Variants in FAM13C observed in about 807,000 individuals in gnomAD.
FAM13C encodes the protein protein FAM13C.
Under a neutral mutation model 73.2 loss-of-function variants are expected in FAM13C, and 37 were observed. The ratio of observed to expected loss-of-function variants is 0.51; its 90% CI spans 0.39 to 0.67. The LOEUF is 0.67. Among genes scored for constraint, FAM13C ranks in the 30% least tolerant of loss-of-function variants. The pLI is 0.00. For synonymous variants in FAM13C, 246 were observed against 260.9 expected, an observed-to-expected ratio of 0.94 and a Z score of 0.55; for missense variants, 589 against 715.6, an observed-to-expected ratio of 0.82 and a Z score of 2.02.
At chr10:59,273,352 A>T (rs986860200) in intron 6 of FAM13C, among the ~76,000 whole-genome samples, 1 of 152,184 alleles carries the variant, frequency 6.6e-6, no homozygotes, top group Non-Finnish European at 1.5e-5. Context: ...TATTATTAAT[A>T]TAAGAAAGTT....
intron 13 of FAM13C, 103 bp from the exon 14 acceptor site, chr10:59,247,840 C>T: frequency 8.8e-7 from 1 of 1,138,618 alleles, no homozygotes; most frequent in Non-Finnish European, 1.2e-6. Context: ...ACGGCCTCCA[C>T]TTGGTTTTTG....
intron 6 of FAM13C, among the ~76,000 whole-genome samples, chr10:59,277,298 C>A (rs1427827110): frequency 1.3e-5 from 2 of 152,138 alleles, no homozygotes; most frequent in Non-Finnish European, 2.9e-5. Flanking sequence ...GGAAAACAAT[C>A]CCACAGGCAT....
At chr10:59,320,996 G>T (rs1256326319) in intron 4 of FAM13C, among the ~76,000 whole-genome samples, 2 of 152,094 alleles carry the variant, frequency 1.3e-5, no homozygotes, top group East Asian at 3.8e-4. Flanking sequence ...ATTTTCTGGG[G>T]TTATATGTGC....
intron 11 of FAM13C, chr10:59,253,630 T>C (rs938264823): frequency 1.3e-5 from 2 of 152,410 alleles, no homozygotes; most frequent in African/African-American, 4.8e-5. Flanking sequence ...CCAAAGACTA[T>C]GAATTATTAT....
Position 59,247,611 on chromosome 10 carries a change from A to C in FAM13C, c.*3T>G, listed in dbSNP as rs751134078. On this transcript the variant is annotated 3_prime_UTR_variant, in exon 14 of 14. Coordinates refer to ENST00000618804, the MANE Select transcript of FAM13C (RefSeq NM_198215.4). ...TGAAAGTGATCATAACATTTCCTGA[A>C]CCTCAAATAGTTTTGGCCACATCTT... The C allele has an allele frequency of 1.9e-6, 3 of 1,613,140 alleles. No individual in the cohort carries two copies. Among genetic ancestry groups the C allele is most frequent in the Non-Finnish European group, 8.5e-7 (1 of 1,179,558 alleles).
chr10:59,304,010 T>TA (rs1486848356), intron 4 of FAM13C, among the ~76,000 whole-genome samples: 1 of 152,014 alleles, frequency 6.6e-6, no homozygotes, highest in Non-Finnish European at 1.5e-5. Context: ...TAGTGGGGCG[T>TA]GGTGGCAGGC....
intron 6 of FAM13C, chr10:59,282,462 A>G (rs1589442456): frequency 6.6e-6 from 1 of 152,108 alleles, no homozygotes; most frequent in Non-Finnish European, 1.5e-5. Context: ...GTAGGTGTAT[A>G]TATTTATGGG....
At chr10:59,349,584 C>T (rs1453980208) in intron 3 of FAM13C, among the ~76,000 whole-genome samples, 1 of 151,300 alleles carries the variant, frequency 6.6e-6, no homozygotes, top group Admixed American at 6.6e-5. Context: ...TGGTGAAACC[C>T]CATCTCTACT....
intron 5 of FAM13C, among the ~76,000 whole-genome samples, chr10:59,301,790 C>T (rs1160282536): frequency 6.6e-6 from 1 of 152,224 alleles, no homozygotes. Flanking sequence ...TATGCACACA[C>T]ACAAAAATAA....
intron 6 of FAM13C, among the ~76,000 whole-genome samples, chr10:59,278,038 T>A (rs1238607642): frequency 6.6e-6 from 1 of 152,192 alleles, no homozygotes; most frequent in Non-Finnish European, 1.5e-5. Flanking sequence ...AAGCCTAACA[T>A]TCATGGCAGA....
chr10:59,276,675 CCTTGT>C (rs1844354349), intron 6 of FAM13C, among the ~76,000 whole-genome samples: 1 of 152,128 alleles, frequency 6.6e-6, no homozygotes, highest in Admixed American at 6.6e-5. Context: ...CAGTTCCAAT[CCTTGT>C]AAGTGCATCC....
At chr10:59,275,673 C>T (rs1020390255) in intron 6 of FAM13C, among the ~76,000 whole-genome samples, 22 of 152,194 alleles carry the variant, frequency 1.4e-4, no homozygotes, top group African/African-American at 5.1e-4. Flanking sequence ...GTTAAAAGCC[C>T]GGGCTCTGGA....
chr10:59,274,623 G>A (rs950518704), intron 6 of FAM13C, among the ~76,000 whole-genome samples: 2 of 152,132 alleles, frequency 1.3e-5, no homozygotes, highest in Non-Finnish European at 2.9e-5. Context: ...TTGCCATAAT[G>A]GATAAAAACA....
At chr10:59,323,880 C>T in intron 4 of FAM13C, 108 bp downstream of exon 4, 3 of 954,464 alleles carry the variant, frequency 3.1e-6, no homozygotes, top group South Asian at 1.3e-5. Flanking sequence ...ATAAGGAATG[C>T]CAGCAAAAGT....
chr10:59,336,159 T>C (rs1564603273), intron 3 of FAM13C, among the ~76,000 whole-genome samples: 2 of 152,174 alleles, frequency 1.3e-5, no homozygotes, highest in Admixed American at 1.3e-4. Flanking sequence ...CACAGTAAAA[T>C]TGTGCTCAAA....
Position 59,321,431 on chromosome 10 carries a change from C to CTTTTT in FAM13C, c.443+2556_443+2557insAAAAA, listed in dbSNP as rs1850255076. ...AGAAAGGAATGGAGCCCTGCCAACA[C>CTTTTT]CTTTTTTTTTTTTTTTTTTTTTTTT... On this transcript the variant is annotated intron_variant, in intron 4 of 13. Transcript: ENST00000618804. Among the ~76,000 whole-genome samples, 6 of 109,856 alleles carry CTTTTT rather than the reference C, an allele frequency of 5.5e-5. 1 individual carries two copies. Among genetic ancestry groups the CTTTTT allele is most frequent in the Non-Finnish European group, 3.7e-5 (2 of 53,744 alleles). The allele number at this position is 109,856 out of a possible 152,430, so 72.1% of individuals were successfully genotyped here.
intron 1 of FAM13C, among the ~76,000 whole-genome samples, chr10:59,361,324 A>C (rs925889092): frequency 6.6e-6 from 1 of 152,164 alleles, no homozygotes; most frequent in Non-Finnish European, 1.5e-5. Context: ...CCTAGGAAGC[A>C]CTGTAAACCT....
At chr10:59,346,928 G>T (rs896495107) in intron 3 of FAM13C, among the ~76,000 whole-genome samples, 2 of 152,118 alleles carry the variant, frequency 1.3e-5, no homozygotes, top group African/African-American at 4.8e-5. Context: ...TTGATCAGGA[G>T]TTTATCCTTA....
At chr10:59,279,250 A>T (rs1204772967) in intron 6 of FAM13C, among the ~76,000 whole-genome samples, 1 of 152,186 alleles carries the variant, frequency 6.6e-6, no homozygotes, top group Non-Finnish European at 1.5e-5. Context: ...TTTGATAAGC[A>T]TTTCCAATTA....
Sources: gnomAD v4.1 joint callset for allele counts (sites outside exome capture counted in the v4.1 genomes callset) on GRCh38, gnomAD v4.1.1 for gene constraint, MANE v1.5 for transcripts, NCBI Gene and HGNC (gene_info 2026-07-23, HGNC 2026-07-21) for gene names.